The following XRN1 variants were observed in gnomAD, a reference collection of about 807,000 sequenced individuals.
XRN1 encodes 5'-3' exoribonuclease 1, also known as strand-exchange protein 1 homolog.
Under a neutral mutation model 222.3 loss-of-function variants are expected in XRN1, and 67 were observed. That is an observed-to-expected ratio of 0.30 (90% CI 0.25 to 0.37). The LOEUF is 0.37. Ranked by LOEUF, XRN1 falls within the 10% of genes least tolerant of loss-of-function variation. The pLI is 1.00. For synonymous variants in XRN1, 643 were observed against 652.4 expected (o/e 0.99, Z 0.22); for missense variants, 1,707 against 2,000.2 (o/e 0.85, Z 2.80).
chr3:142,324,614 A>C (rs2065462350), intron 37 of XRN1, among the ~76,000 whole-genome samples: 2 of 127,942 alleles, frequency 1.6e-5, no homozygotes, highest in Admixed American at 1.6e-4. Context: ...TATACCCAGT[A>C]ATGGGATGGC....
At chr3:142,349,894 T>C (rs558380558) in intron 32 of XRN1, among the ~76,000 whole-genome samples, 1 of 152,256 alleles carries the variant, frequency 6.6e-6, no homozygotes, top group East Asian at 1.9e-4. Context: ...TGAGAAAATA[T>C]AATATCAAGT....
In XRN1 at chr3:142,307,932, A is replaced by G. The variant is rs1205070307; in HGVS notation, c.*3579T>C. The G allele has an allele frequency of 2.0e-5, 3 of 152,326 alleles. No homozygotes were observed. Among genetic ancestry groups the G allele is most frequent in the African/African-American group, 7.2e-5 (3 of 41,586 alleles). The allele number at this position is 152,326 out of a possible 1,614,324, so 9.4% of individuals were successfully genotyped here. A position where few individuals can be genotyped will look rare whatever the true frequency, so the allele number is the denominator to read the frequency against. On this transcript the variant is annotated 3_prime_UTR_variant, in exon 41 of 41. Coordinates refer to ENST00000392981, the MANE Select transcript of XRN1 (RefSeq NM_001282857.2). ...ACAGCCACTTCTCTACAATAAATTA[A>G]TTGTCTTCTACAGTAAAAACAAAAT...
intron 33 of XRN1, among the ~76,000 whole-genome samples, chr3:142,336,740 CATTTGTTG>C (rs1297706468): frequency 6.6e-6 from 1 of 152,106 alleles, no homozygotes; most frequent in Non-Finnish European, 1.5e-5. Flanking sequence ...TAACACTAAA[CATTTGTTG>C]AGACATACAC....
chr3:142,412,403 T>C, intron 15 of XRN1, 141 bp downstream of exon 15: 1 of 1,227,168 alleles, frequency 8.1e-7, no homozygotes, highest in Non-Finnish European at 1.0e-6. Context: ...ACCTGGAAGT[T>C]TTTATGCACA....
At chr3:142,429,633 A>G (rs558487374) in intron 2 of XRN1, 2 of 152,290 alleles carry the variant, frequency 1.3e-5, no homozygotes, top group East Asian at 3.9e-4. Context: ...GTATTTAATA[A>G]ATGCTTGTGG....
rs1479689068 is a variant in XRN1 at position 142,400,644 on chromosome 3, T to C, written c.2104-97A>G. 8.6e-6 allele frequency: 8 copies of C among 929,352 alleles called. No individual in the cohort carries two copies. In the African/African-American group the frequency reaches 1.2e-4, roughly 14 times the overall value. 57.6% of individuals were successfully genotyped at this position (929,352 alleles called of 1,614,324 possible). On this transcript the variant is annotated intron_variant, in intron 18 of 40. Coordinates refer to ENST00000392981, the MANE Select transcript of XRN1 (RefSeq NM_001282857.2). ...CCAATCTCCATTTAAGTTTTTTAAA[T>C]TCTAAAATAAACAAGTTGGGGCCGG...
chr3:142,443,064 T>C (rs2070311613), intron 1 of XRN1, among the ~76,000 whole-genome samples: 1 of 152,174 alleles, frequency 6.6e-6, no homozygotes, highest in Non-Finnish European at 1.5e-5. Flanking sequence ...CCTTGTTAAG[T>C]TTGTCTCTTC....
chr3:142,402,960 T>C (rs939383295), intron 18 of XRN1, among the ~76,000 whole-genome samples: 6 of 152,224 alleles, frequency 3.9e-5, no homozygotes, highest in African/African-American at 1.4e-4. Flanking sequence ...CTCTATCACC[T>C]GATGCTACAC....
intron 37 of XRN1, among the ~76,000 whole-genome samples, chr3:142,327,172 T>C (rs772803479): frequency 1.3e-5 from 2 of 152,122 alleles, no homozygotes; most frequent in African/African-American, 2.4e-5. Flanking sequence ...ACAGTCTGAG[T>C]AGAACTCTTA....
intron 27 of XRN1, among the ~76,000 whole-genome samples, chr3:142,366,132 A>G (rs2066803841): frequency 2.6e-5 from 4 of 152,234 alleles, no homozygotes; most frequent in Non-Finnish European, 4.4e-5. Context: ...TAAGATGGAC[A>G]TATTATCTGT....
At chr3:142,429,298 C>T (rs1030500505) in intron 2 of XRN1, among the ~76,000 whole-genome samples, 7 of 151,562 alleles carry the variant, frequency 4.6e-5, no homozygotes, top group Non-Finnish European at 7.4e-5. Context: ...AGGCGACCAC[C>T]ACCACACCTG....
chr3:142,403,558 T>G, intron 18 of XRN1, 116 bp downstream of exon 18: 3 of 880,760 alleles, frequency 3.4e-6, no homozygotes, highest in Non-Finnish European at 3.5e-6. Context: ...TCATCCTTAT[T>G]TAGGCTCCAA....
chr3:142,361,727 C>T (rs62276410), intron 29 of XRN1, among the ~76,000 whole-genome samples: 11,045 of 152,116 alleles, frequency 0.073, 576 homozygotes, highest in Middle Eastern at 0.18. Context: ...TATTTGCCAT[C>T]CATGTATCTT....
At chr3:142,329,289 C>CT (rs1428027075) in intron 37 of XRN1, 145 bp downstream of exon 37, 1 of 475,342 alleles carries the variant, frequency 2.1e-6, no homozygotes, top group African/African-American at 2.0e-5. Context: ...AATATTAGAG[C>CT]TAGGGTAAGA....
chr3:142,327,253 G>C (rs1463021775), intron 37 of XRN1, among the ~76,000 whole-genome samples: 3 of 152,034 alleles, frequency 2.0e-5, no homozygotes, highest in Non-Finnish European at 4.4e-5. Flanking sequence ...TTTGATAAGA[G>C]GCTTTTTACT....
intron 32 of XRN1, among the ~76,000 whole-genome samples, chr3:142,354,109 TA>T (rs1392853042): frequency 1.3e-5 from 2 of 152,058 alleles, no homozygotes; most frequent in African/African-American, 4.8e-5. Context: ...AATTAATTTT[TA>T]AAAAATGGGG....
In XRN1 at chr3:142,400,577, T is replaced by C. The variant is rs371682222; in HGVS notation, c.2104-30A>G. The C allele has an allele frequency of 7.0e-6, 11 of 1,571,984 alleles. No homozygotes were observed. In the African/African-American group the frequency reaches 1.4e-4, roughly 19 times the overall value. On this transcript the variant is annotated intron_variant, in intron 18 of 40. Coordinates refer to ENST00000392981, the MANE Select transcript of XRN1 (RefSeq NM_001282857.2). ...AAGTAAAAGCAAAAAAGTTCATTCA[T>C]GATTTCAGGTCTAAGAGAAAACTTT...
At chr3:142,328,273 T>C (rs982683257) in intron 37 of XRN1, among the ~76,000 whole-genome samples, 4 of 152,192 alleles carry the variant, frequency 2.6e-5, no homozygotes, top group African/African-American at 9.6e-5. Context: ...AGGGATTTAT[T>C]GCTATAATCT....
Position 142,335,515 on chromosome 3 carries a change from G to A in XRN1, c.3878-6C>T. ...ACTCTTACACTCTTCTTTAACTAGA[G>A]ACAAGAAAACAGAAATTTTCATAAA... On this transcript the variant is annotated splice_polypyrimidine_tract_variant and splice_region_variant and intron_variant, in intron 33 of 40. Coordinates refer to ENST00000392981, the MANE Select transcript of XRN1 (RefSeq NM_001282857.2). 6.2e-7 allele frequency: 1 copy of A among 1,611,270 alleles called. No homozygotes were observed. Among genetic ancestry groups the A allele is most frequent in the East Asian group, 2.2e-5 (1 of 44,722 alleles).
Sources: gnomAD v4.1 joint callset for allele counts (sites outside exome capture counted in the v4.1 genomes callset) on GRCh38, gnomAD v4.1.1 for gene constraint, MANE v1.5 for transcripts, NCBI Gene and HGNC (gene_info 2026-07-23, HGNC 2026-07-21) for gene names.